TRPM5: variants seen among roughly 807,000 people sequenced by gnomAD.
TRPM5 encodes MLSN1 and TRP-related.
Under a neutral mutation model 124.9 loss-of-function variants are expected in TRPM5, and 121 were observed. The observed-to-expected ratio is 0.97, with a 90% confidence interval of 0.84 to 1.13. The LOEUF (loss-of-function observed/expected upper bound fraction) is 1.13. Among genes scored for constraint, TRPM5 ranks in the 50% most tolerant of loss-of-function variants. TRPM5 has a pLI of 0.00. For synonymous variants in TRPM5, 781 were observed against 700.5 expected, an observed-to-expected ratio of 1.11 and a Z score of -1.81; for missense variants, 1,643 against 1,589.1, an observed-to-expected ratio of 1.03 and a Z score of -0.58.
upstream of TRPM5, chr11:2,423,097 C>T: frequency 2.2e-6 from 3 of 1,359,260 alleles, no homozygotes; most frequent in Non-Finnish European, 3.1e-6. Flanking sequence ...CCCATCCCCA[C>T]CTCCCTCCCC....
At chr11:2,413,098 A>C (rs1351757239) in intron 14 of TRPM5, 36 bp downstream of exon 19, 1 of 1,549,108 alleles carries the variant, frequency 6.5e-7, no homozygotes, top group African/African-American at 1.4e-5. Flanking sequence ...ACCACCCGCC[A>C]GTCCCCTCCA....
At chr11:2,423,586 CCCAGGAGGT>C (rs1468138132), upstream of TRPM5, among the ~76,000 whole-genome samples, 1 of 152,158 alleles carries the variant, frequency 6.6e-6, no homozygotes, top group East Asian at 1.9e-4. Flanking sequence ...ACCTTCCTTG[CCCAGGAGGT>C]CCAGGAGGCC....
upstream of TRPM5, among the ~76,000 whole-genome samples, chr11:2,425,890 CCTT>C (rs1444123743): frequency 6.6e-6 from 1 of 152,170 alleles, no homozygotes; most frequent in East Asian, 1.9e-4. Flanking sequence ...ATGGGGGACT[CCTT>C]CTTCTCTTCC....
chr11:2,435,077 G>T, the TRPM5 span, among the ~76,000 whole-genome samples: 1 of 152,144 alleles, frequency 6.6e-6, no homozygotes, highest in Non-Finnish European at 1.5e-5. This position sits in a 1 kb window ranked among gnomAD's most constrained non-coding sequence, Gnocchi z 4.1. Flanking sequence ...CTGGATTACA[G>T]GCATGAGCCA....
chr11:2,441,850 C>T, the TRPM5 span, among the ~76,000 whole-genome samples: 1 of 152,090 alleles, frequency 6.6e-6, no homozygotes, highest in South Asian at 2.1e-4. The surrounding 1 kb of genome is among the most constrained non-coding windows in gnomAD (Gnocchi z 7.2). Flanking sequence ...CCACCACACC[C>T]AGCTAATTTT....
At chr11:2,414,341 C>A (rs1309765630) in intron 11 of TRPM5, 135 bp from the exon 17 acceptor site, 15 of 1,284,630 alleles carry the variant, frequency 1.2e-5, no homozygotes, top group Admixed American at 2.5e-5. Context: ...CCCAGCCAGG[C>A]CTTCTGCCCC....
the TRPM5 span, among the ~76,000 whole-genome samples, chr11:2,433,391 G>T: frequency 4.6e-5 from 7 of 152,062 alleles, no homozygotes; most frequent in African/African-American, 1.7e-4. Context: ...AGGGCTGCCC[G>T]GCCAACTCCA....
intron 7 of TRPM5, 22 bp downstream of exon 12, chr11:2,417,705 T>TTGGG: frequency 8.8e-7 from 1 of 1,140,680 alleles, no homozygotes; most frequent in Non-Finnish European, 1.3e-6. Flanking sequence ...GCGCCTGCCT[T>TTGGG]GCCCACCCTG....
chr11:2,407,052 C>T, intron 20 of TRPM5, 67 bp downstream of exon 25: 1 of 1,459,990 alleles, frequency 6.8e-7, no homozygotes, highest in Admixed American at 2.7e-5. Flanking sequence ...GCCTCCAGCG[C>T]ACAGCCCCGC....
At chr11:2,414,013 G>A (rs781240241) in intron 12 of TRPM5, 48 bp downstream of exon 17, 23 of 631,912 alleles carry the variant, frequency 3.6e-5, no homozygotes, top group East Asian at 1.6e-4. Context: ...CAGCTCGCCC[G>A]CCCACCCCAC....
Position 2,417,434 on chromosome 11 carries a change from G to A in TRPM5, c.1009+293C>T, listed in dbSNP as rs1037841225. On this transcript the variant is annotated intron_variant, in intron 7 of 23. Coordinates refer to ENST00000155858, the Ensembl canonical transcript of TRPM5. ...CGCAGCACTGCACTCCAGCCTGGGCGACAGTGCGAGACTCCGTCTCAAAAA... is the reference window on the plus strand; with the variant it reads ...CGCAGCACTGCACTCCAGCCTGGGCAACAGTGCGAGACTCCGTCTCAAAAA... 3.9e-5 allele frequency among the ~76,000 whole-genome samples: 6 copies of A among 152,286 alleles called. 1 individual carries two copies. The Middle Eastern group carries it at 0.01, about 259-fold the overall frequency.
chr11:2,418,468 A>G, intron 5 of TRPM5, 59 bp downstream of exon 10: 1 of 1,566,412 alleles, frequency 6.4e-7, no homozygotes, highest in Non-Finnish European at 8.7e-7. Flanking sequence ...GGTGCCCAGA[A>G]CCCACCGCAC....
intron 6 of TRPM5, 78 bp downstream of exon 11, chr11:2,418,089 A>G (rs1471811896): frequency 1.4e-5 from 19 of 1,346,158 alleles, no homozygotes; most frequent in Non-Finnish European, 1.8e-5. Flanking sequence ...TGGAGGCTGC[A>G]TTGCAGGAAC....
intron 7 of TRPM5, among the ~76,000 whole-genome samples, 193 bp from the exon 13 acceptor site, chr11:2,416,217 C>T (rs968170197): frequency 2.0e-5 from 3 of 152,234 alleles, no homozygotes; most frequent in East Asian, 1.9e-4. Flanking sequence ...CAGGAGAAAG[C>T]GTGCTGCCCT....
intron 19 of TRPM5, 26 bp downstream of exon 24, chr11:2,407,733 C>T (rs1414273985): frequency 4.3e-6 from 7 of 1,611,346 alleles, no homozygotes; most frequent in Non-Finnish European, 5.9e-6. Flanking sequence ...CCAGGGCTCT[C>T]TCCTCCAGGG....
At chr11:2,426,022 G>A (rs958695925), upstream of TRPM5, among the ~76,000 whole-genome samples, 3 of 152,186 alleles carry the variant, frequency 2.0e-5, no homozygotes, top group African/African-American at 7.2e-5. Context: ...GAAGTTCTGG[G>A]ATAGGACATC....
chr11:2,407,579 TC>T (rs1369306407), intron 19 of TRPM5, among the ~76,000 whole-genome samples, 179 bp downstream of exon 24: 2 of 152,130 alleles, frequency 1.3e-5, no homozygotes, highest in Non-Finnish European at 2.9e-5. Context: ...CCCACAGAGT[TC>T]CCGGTCTTGG....
intron 23 of TRPM5, 132 bp from the exon 29 acceptor site, chr11:2,405,175 G>T: frequency 1.4e-6 from 1 of 701,618 alleles, no homozygotes; most frequent in Non-Finnish European, 2.4e-6. Context: ...GGCCAGCCTG[G>T]GGAAGATGGG....
rs543300401 is a variant in TRPM5 at position 2,422,787 on chromosome 11, C to T, written c.117+133G>A. ...CTGGAACTCTGCCTGTCTGGGGGCT[C>T]TGAATATGGCCCCAGGGGAGCAGAC... On this transcript the variant is annotated intron_variant, in intron 1 of 23. Transcript: ENST00000155858. 7 of 778,100 alleles carry T rather than the reference C, an allele frequency of 9.0e-6. No homozygotes were observed. The South Asian group carries it at 1.0e-4, about 11-fold the overall frequency. The allele number at this position is 778,100 out of a possible 1,614,324, so 48.2% of individuals were successfully genotyped here. A position where few individuals can be genotyped will look rare whatever the true frequency, so the allele number is the denominator to read the frequency against.
Sources: gnomAD v4.1 joint callset for allele counts (sites outside exome capture counted in the v4.1 genomes callset) on GRCh38, gnomAD v4.1.1 for gene constraint, Gnocchi (gnomAD v3.1) non-coding constraint, MANE v1.5 for transcripts, NCBI Gene and HGNC (gene_info 2026-07-23, HGNC 2026-07-21) for gene names.